The following CLEC9A variants were observed in gnomAD, a reference collection of about 807,000 sequenced individuals.
CLEC9A encodes the protein C-type lectin domain family 9 member A.
Under a neutral mutation model 30.0 loss-of-function variants are expected in CLEC9A, and 24 were observed. That is an observed-to-expected ratio of 0.80 (90% CI 0.58 to 1.13). CLEC9A has a LOEUF of 1.13. CLEC9A is among the 50% of genes most tolerant of loss of function. CLEC9A has a pLI of 0.00. For synonymous variants in CLEC9A, 111 were observed against 96.8 expected (o/e 1.15, Z -0.86); for missense variants, 251 against 280.9 (o/e 0.89, Z 0.76).
chr12:10,059,440 A>G (rs1388731015), intron 5 of CLEC9A, among the ~76,000 whole-genome samples: 2 of 152,248 alleles, frequency 1.3e-5, no homozygotes, highest in African/African-American at 4.8e-5. Flanking sequence ...CCACAGTCTT[A>G]AAAGTAGAGC....
At chr12:10,060,829 G>T (rs1865990227) in intron 5 of CLEC9A, 1 of 256,490 alleles carries the variant, frequency 3.9e-6, no homozygotes. Flanking sequence ...GTTTCTTTTT[G>T]TTTTATCTTA....
At chr12:10,053,296 G>C (rs1307914060) in intron 4 of CLEC9A, among the ~76,000 whole-genome samples, 1 of 152,184 alleles carries the variant, frequency 6.6e-6, no homozygotes, top group African/African-American at 2.4e-5. Context: ...TAGGGCTCTA[G>C]ATGTCACAAG....
At chr12:10,035,677 A>G (rs1865738549) in intron 1 of CLEC9A, among the ~76,000 whole-genome samples, 1 of 152,196 alleles carries the variant, frequency 6.6e-6, no homozygotes, top group African/African-American at 2.4e-5. Context: ...GGCAAGATCC[A>G]CGATCTCAGC....
intron 5 of CLEC9A, among the ~76,000 whole-genome samples, chr12:10,056,939 A>G (rs1865948929): frequency 6.6e-6 from 1 of 152,154 alleles, no homozygotes; most frequent in Non-Finnish European, 1.5e-5. Flanking sequence ...AAACTTAAAT[A>G]TCACTGTACA....
chr12:10,043,423 T>A (rs1343942962), intron 2 of CLEC9A: 1 of 162,822 alleles, frequency 6.1e-6, no homozygotes, highest in African/African-American at 2.4e-5. Context: ...TGTGTCTCTA[T>A]AACCTACTAT....
chr12:10,032,106 A>G (rs1865702923), intron 1 of CLEC9A, among the ~76,000 whole-genome samples: 1 of 152,214 alleles, frequency 6.6e-6, no homozygotes, highest in Admixed American at 6.5e-5. Context: ...ACAACATCCA[A>G]TGCTGGCAAG....
intron 5 of CLEC9A, among the ~76,000 whole-genome samples, chr12:10,056,625 A>T (rs1865946394): frequency 6.6e-6 from 1 of 152,216 alleles, no homozygotes; most frequent in African/African-American, 2.4e-5. Flanking sequence ...AGGTTATATA[A>T]GAAATACTAA....
At chr12:10,053,563 C>T (rs546220095) in intron 4 of CLEC9A, among the ~76,000 whole-genome samples, 4 of 152,304 alleles carry the variant, frequency 2.6e-5, no homozygotes, top group Admixed American at 2.6e-4. Context: ...TCTTCCCATC[C>T]CAAATCCTTA....
chr12:10,061,773 C>T (rs144156892), intron 6 of CLEC9A, among the ~76,000 whole-genome samples: 1 of 152,170 alleles, frequency 6.6e-6, no homozygotes, highest in Admixed American at 6.5e-5. Context: ...GCAGTTTAAT[C>T]TTTTATATGC....
chr12:10,039,969 T>A (rs1199709734), intron 1 of CLEC9A, among the ~76,000 whole-genome samples: 1 of 151,976 alleles, frequency 6.6e-6, no homozygotes. Flanking sequence ...ATTACAGGTG[T>A]GCACCACCAC....
chr12:10,065,839 C>A lies in CLEC9A; in HGVS notation c.*207C>A, dbSNP rs1317726837. 4.0e-6 allele frequency: 2 copies of A among 500,958 alleles called. No homozygotes were observed. Among genetic ancestry groups the A allele is most frequent in the Non-Finnish European group, 7.0e-6 (2 of 285,244 alleles). 31.0% of individuals were successfully genotyped at this position (500,958 alleles called of 1,614,324 possible). On this transcript the variant is annotated 3_prime_UTR_variant, in exon 9 of 9. Transcript: ENST00000355819. ...TGTTGTTCACATTGCAAGAGTAAAA[C>A]TTATTTAGAGCTACAGAAGACAAAA...
intron 6 of CLEC9A, among the ~76,000 whole-genome samples, chr12:10,061,516 T>G (rs1480628766): frequency 6.6e-6 from 1 of 152,180 alleles, no homozygotes; most frequent in Non-Finnish European, 1.5e-5. Flanking sequence ...GAGGTGTGTG[T>G]GCAATTAGTA....
At position 10,063,280 on chromosome 12, in the gene CLEC9A, A is replaced by T. The variant is rs1020070820; in HGVS notation, c.471+74A>T. 5.3e-6 allele frequency: 7 copies of T among 1,319,444 alleles called. No individual in the cohort carries two copies. In the African/African-American group the frequency reaches 9.2e-5, roughly 17 times the overall value. The allele number at this position is 1,319,444 out of a possible 1,614,324, so 81.7% of individuals were successfully genotyped here. A position where few individuals can be genotyped will look rare whatever the true frequency, so the allele number is the denominator to read the frequency against. On this transcript the variant is annotated intron_variant, in intron 7 of 8. Transcript: ENST00000355819. Reference sequence around the variant, plus strand: ...TTATTAAAAGAAATCCCTCATTCTCATAAGACAAAATTCCTTAATATTCTA... The same window carrying T: ...TTATTAAAAGAAATCCCTCATTCTCTTAAGACAAAATTCCTTAATATTCTA...
Position 10,039,265 on chromosome 12 carries a change from C to T in CLEC9A, c.-317-2201C>T, listed in dbSNP as rs556562279. Among the ~76,000 whole-genome samples, 8 of 152,108 alleles carry T rather than the reference C, an allele frequency of 5.3e-5. No individual in the cohort carries two copies. The South Asian group carries it at 1.2e-3, about 24-fold the overall frequency. ...AGATTTGATTGGAGGAAGGCAATACCGAAGGGTCATGGCATATCCCACTAA... is the reference window on the plus strand; with the variant it reads ...AGATTTGATTGGAGGAAGGCAATACTGAAGGGTCATGGCATATCCCACTAA... On this transcript the variant is annotated intron_variant, in intron 1 of 8. Transcript: ENST00000355819.
At chr12:10,060,837 T>C (rs956440833) in intron 5 of CLEC9A, 1 of 270,072 alleles carries the variant, frequency 3.7e-6, no homozygotes, top group African/African-American at 2.3e-5. Context: ...TTGTTTTATC[T>C]TATGTGTAAT....
At chr12:10,036,886 A>G (rs546652099) in intron 1 of CLEC9A, among the ~76,000 whole-genome samples, 3 of 152,354 alleles carry the variant, frequency 2.0e-5, no homozygotes, top group Admixed American at 2.0e-4. Flanking sequence ...TGCCCGTCAT[A>G]CATATATGCA....
intron 2 of CLEC9A, among the ~76,000 whole-genome samples, chr12:10,051,327 G>A (rs1488816): frequency 0.1 from 15,664 of 152,092 alleles, 981 homozygotes; most frequent in Non-Finnish European, 0.14. Flanking sequence ...TCAAATGAAC[G>A]CATTATCAGG....
At chr12:10,064,242 T>C (rs1417205654) in intron 7 of CLEC9A, among the ~76,000 whole-genome samples, 1 of 152,108 alleles carries the variant, frequency 6.6e-6, no homozygotes, top group African/African-American at 2.4e-5. Flanking sequence ...ATTATTACAG[T>C]TGTAGGTGCA....
At chr12:10,045,945 G>A (rs1179963678) in intron 2 of CLEC9A, among the ~76,000 whole-genome samples, 1 of 152,118 alleles carries the variant, frequency 6.6e-6, no homozygotes, top group Non-Finnish European at 1.5e-5. Flanking sequence ...TTAAAATCAG[G>A]ACAATATAGA....
Sources: gnomAD v4.1 joint callset for allele counts (sites outside exome capture counted in the v4.1 genomes callset) on GRCh38, gnomAD v4.1.1 for gene constraint, MANE v1.5 for transcripts, NCBI Gene and HGNC (gene_info 2026-07-23, HGNC 2026-07-21) for gene names.